The following PGM5 variants were observed in gnomAD, a reference collection of about 807,000 sequenced individuals.
The protein encoded by PGM5 is phosphoglucomutase-like protein 5.
Under a neutral mutation model 59.2 loss-of-function variants are expected in PGM5, and 23 were observed. The ratio of observed to expected loss-of-function variants is 0.39; its 90% confidence interval spans 0.28 to 0.55. PGM5 has a LOEUF of 0.55. Among genes scored for constraint, PGM5 ranks in the 20% least tolerant of loss-of-function variants. The pLI, the probability that PGM5 is intolerant of heterozygous loss-of-function variation, is 0.66. For synonymous variants in PGM5, 214 were observed against 286.0 expected, an observed-to-expected ratio of 0.75 and a Z score of 2.54; for missense variants, 574 against 748.3, an observed-to-expected ratio of 0.77 and a Z score of 2.72.
chr9:68,405,464 C>T (rs1822780403), intron 6 of PGM5: 1 of 152,344 alleles, frequency 6.6e-6, no homozygotes, highest in South Asian at 2.1e-4. Context: ...CTCCTCCTAC[C>T]CCTGCAAATA....
rs112538057 is a variant in PGM5, at chr9:68,468,169, C to T, written c.1159+2961C>T. On this transcript the variant is annotated intron_variant, in intron 7 of 10. Coordinates refer to ENST00000396396, the MANE Select transcript of PGM5 (RefSeq NM_021965.4). ...TACCCAATAATTGTCGTTTCTGCTCCTCTCCTTCCTCCCACCCTACTCCTC... is the reference window on the plus strand; with the variant it reads ...TACCCAATAATTGTCGTTTCTGCTCTTCTCCTTCCTCCCACCCTACTCCTC... Among the ~76,000 whole-genome samples the T allele has an allele frequency of 4.0e-3, 614 of 151,716 alleles. 5 individuals carry two copies. The highest frequency in any genetic ancestry group is 0.014 in the African/African-American group (584 of 41,050).
chr9:68,437,597 ACACT>A lies in PGM5; in HGVS notation c.1044-27494_1044-27491del, dbSNP rs1227005788. On this transcript the variant is annotated intron_variant, in intron 6 of 10. Transcript: ENST00000396396. This position sits in a 1 kb window ranked among gnomAD's most constrained non-coding sequence, Gnocchi z 4.1. ...CACACTCACACACACACACACACAC[ACACT>A]CTCACACATTTTACCCACACATGCA... Among the ~76,000 whole-genome samples, 262 of 149,802 alleles carry A rather than the reference ACACT, an allele frequency of 1.7e-3. 3 individuals carry two copies. Among genetic ancestry groups the A allele is most frequent in the African/African-American group, 5.8e-3 (229 of 39,388 alleles).
At chr9:68,494,172 T>G (rs1259022766) in intron 9 of PGM5, among the ~76,000 whole-genome samples, 1 of 152,112 alleles carries the variant, frequency 6.6e-6, no homozygotes, top group Non-Finnish European at 1.5e-5. Context: ...GCTAGTGAGA[T>G]ATCATGAATT....
intron 7 of PGM5, among the ~76,000 whole-genome samples, chr9:68,477,147 C>CACTT (rs1388641561): frequency 1.3e-5 from 2 of 152,162 alleles, no homozygotes; most frequent in African/African-American, 4.8e-5. Flanking sequence ...AGACTAAAGA[C>CACTT]ACTTCATGGT....
chr9:68,424,750 T>C (rs1320826936), intron 6 of PGM5, among the ~76,000 whole-genome samples: 3 of 152,264 alleles, frequency 2.0e-5, no homozygotes, highest in Non-Finnish European at 2.9e-5. Context: ...GACTACAGAA[T>C]GTAGCATTTC....
chr9:68,404,378 C>T (rs1822749566), intron 6 of PGM5, among the ~76,000 whole-genome samples: 1 of 152,206 alleles, frequency 6.6e-6, no homozygotes. Flanking sequence ...ATCCACCCAC[C>T]TTGGCTTCCC....
rs2132124184 is a variant in PGM5, at chr9:68,529,424, G to C, written c.1615-143G>C. On this transcript the variant is annotated intron_variant, in intron 10 of 10. Transcript: ENST00000396396. ...CATTCCAACTACCATTGGTGGAGGA[G>C]GAAGCAAATGTCCTGCTCATGAAGA... The C allele has an allele frequency of 2.0e-5, 13 of 648,756 alleles. No individual in the cohort carries two copies. In the South Asian group the frequency reaches 2.2e-4, roughly 11 times the overall value. 40.2% of individuals were successfully genotyped at this position (648,756 alleles called of 1,614,324 possible).
intron 7 of PGM5, 129 bp downstream of exon 7, chr9:68,465,337 C>T: frequency 1.5e-6 from 1 of 645,516 alleles, no homozygotes; most frequent in Non-Finnish European, 2.8e-6. Context: ...TCAGAGAAAC[C>T]TAGTAGAGTA....
Position 68,529,557 on chromosome 9 carries a change from C to T in PGM5, c.1615-10C>T, listed in dbSNP as rs1825047819. Reference sequence around the variant, plus strand: ...TGAGTTGTTCACAGACTTTCCTTTTCCTTTTGCAGGCAGTGCTGAGCCCTC... The same window carrying T: ...TGAGTTGTTCACAGACTTTCCTTTTTCTTTTGCAGGCAGTGCTGAGCCCTC... On this transcript the variant is annotated splice_polypyrimidine_tract_variant and intron_variant, in intron 10 of 10. Coordinates refer to ENST00000396396, the MANE Select transcript of PGM5 (RefSeq NM_021965.4). The T allele has an allele frequency of 2.5e-6, 4 of 1,578,304 alleles. No homozygotes were observed. The highest frequency in any genetic ancestry group is 3.5e-6 in the Non-Finnish European group (4 of 1,156,000).
chr9:68,384,331 G>T, intron 2 of PGM5, 67 bp from the exon 3 acceptor site: 1 of 1,060,456 alleles, frequency 9.4e-7, no homozygotes, highest in Non-Finnish European at 1.4e-6. Flanking sequence ...GAGGAGGATG[G>T]TAACATTTCA....
At position 68,436,758 on chromosome 9, in the gene PGM5, C is replaced by T. The variant is rs1003664709; in HGVS notation, c.1044-28335C>T. Among the ~76,000 whole-genome samples the T allele has an allele frequency of 1.6e-4, 24 of 152,168 alleles. No individual in the cohort carries two copies. In the East Asian group the frequency reaches 4.2e-3, roughly 27 times the overall value. On this transcript the variant is annotated intron_variant, in intron 6 of 10. Transcript: ENST00000396396. ...ACCAGGAAAGCTGATTTTTAAAATT[C>T]GATATTAACTACATTTTACAGAAGA...
chr9:68,411,810 G>T (rs1292450787), intron 6 of PGM5, among the ~76,000 whole-genome samples: 3 of 152,100 alleles, frequency 2.0e-5, no homozygotes, highest in Admixed American at 1.3e-4. Context: ...TTGGCCTGGG[G>T]AATCGGAACT....
intron 6 of PGM5, among the ~76,000 whole-genome samples, chr9:68,463,586 T>G (rs1298517406): frequency 6.6e-6 from 1 of 152,154 alleles, no homozygotes; most frequent in Non-Finnish European, 1.5e-5. Context: ...CTGTGAAACT[T>G]TGAACAAAAA....
At chr9:68,393,911 A>G (rs184653228) in intron 6 of PGM5, 8 of 152,320 alleles carry the variant, frequency 5.3e-5, no homozygotes, top group Admixed American at 4.6e-4. Context: ...ATATTTATAT[A>G]TTTGTATACT....
chr9:68,364,825 C>G (rs1176201433), intron 1 of PGM5, among the ~76,000 whole-genome samples: 6 of 150,906 alleles, frequency 4.0e-5, no homozygotes, highest in African/African-American at 1.5e-4. Flanking sequence ...ATTATGAGAA[C>G]AGCTGGGTCC....
At chr9:68,419,595 A>G (rs887127942) in intron 6 of PGM5, among the ~76,000 whole-genome samples, 2 of 152,206 alleles carry the variant, frequency 1.3e-5, no homozygotes, top group African/African-American at 4.8e-5. Context: ...TGGCTCCACA[A>G]TTCCTCTGCT....
chr9:68,435,136 C>T (rs566666862), intron 6 of PGM5, among the ~76,000 whole-genome samples: 2 of 152,286 alleles, frequency 1.3e-5, no homozygotes, highest in Non-Finnish European at 2.9e-5. Context: ...CCCTTGAGCA[C>T]ACTACCTAAG....
At chr9:68,416,475 T>C (rs4104114) in intron 6 of PGM5, among the ~76,000 whole-genome samples, 2 of 152,314 alleles carry the variant, frequency 1.3e-5, no homozygotes, top group South Asian at 2.1e-4. Context: ...TTTCTCTTCT[T>C]CCCTACCTGT....
intron 4 of PGM5, among the ~76,000 whole-genome samples, chr9:68,389,360 C>T (rs1157728195): frequency 9.2e-5 from 14 of 152,028 alleles, no homozygotes; most frequent in Non-Finnish European, 1.9e-4. Flanking sequence ...TGAATATTTC[C>T]ATCACCCCAA....
Sources: allele counts gnomAD v4.1 joint callset (sites outside exome capture counted in the v4.1 genomes callset), GRCh38; gene constraint gnomAD v4.1.1; non-coding constraint Gnocchi (gnomAD v3.1); transcripts MANE v1.5; gene names NCBI Gene and HGNC (gene_info 2026-07-23, HGNC 2026-07-21).